KCNMB2: variants seen among roughly 807,000 people sequenced by gnomAD.
The protein encoded by KCNMB2 is potassium calcium-activated channel subfamily M regulatory beta subunit 2, also known as calcium-activated potassium channel subunit beta-2.
Under a neutral mutation model 24.5 loss-of-function variants are expected in KCNMB2, and 9 were observed. The ratio of observed to expected loss-of-function variants is 0.37; its 90% confidence interval spans 0.22 to 0.64. KCNMB2 has a LOEUF of 0.64. Ranked by LOEUF, KCNMB2 falls within the 30% of genes least tolerant of loss-of-function variation. KCNMB2 has a pLI of 0.63. For missense variants in KCNMB2, 226 were observed against 284.3 expected, an observed-to-expected ratio of 0.79 and a Z score of 1.47; for synonymous variants, 109 against 104.4, an observed-to-expected ratio of 1.04 and a Z score of -0.27.
chr3:178,762,342 G>A (rs1711937126), intron 1 of KCNMB2, among the ~76,000 whole-genome samples: 1 of 152,164 alleles, frequency 6.6e-6, no homozygotes, highest in South Asian at 2.1e-4. Context: ...GAACATTCCA[G>A]GACATGAGAA....
intron 1 of KCNMB2, among the ~76,000 whole-genome samples, chr3:178,667,938 G>GT (rs1470531474): frequency 1.3e-5 from 2 of 152,152 alleles, no homozygotes; most frequent in Non-Finnish European, 2.9e-5. Flanking sequence ...AATAATTACT[G>GT]TGAGGATGGT....
chr3:178,565,735 C>T (rs1716495079), intron 1 of KCNMB2, among the ~76,000 whole-genome samples: 1 of 152,164 alleles, frequency 6.6e-6, no homozygotes, highest in African/African-American at 2.4e-5. Context: ...TTTAAATCTT[C>T]AGCATCCCCT....
rs73045967 is a variant in KCNMB2 at position 178,685,965 on chromosome 3, T to C, written c.-67-121378T>C. Among the ~76,000 whole-genome samples the C allele has an allele frequency of 1.7e-3, 252 of 152,282 alleles. 1 individual carries two copies. Among genetic ancestry groups the C allele is most frequent in the African/African-American group, 5.8e-3 (241 of 41,562 alleles). On this transcript the variant is annotated intron_variant, in intron 1 of 4. Coordinates refer to ENST00000452583, the MANE Select transcript of KCNMB2 (RefSeq NM_181361.3). ...AGGAAAAAGCACTGACTACCACAAA[T>C]CATGGTCTTAATAACATCATTATGA...
intron 1 of KCNMB2, among the ~76,000 whole-genome samples, chr3:178,623,903 A>T (rs1049575229): frequency 3.9e-5 from 6 of 152,168 alleles, no homozygotes; most frequent in Non-Finnish European, 7.4e-5. Context: ...GTATAATCTC[A>T]TTGGAAGAAT....
intron 1 of KCNMB2, among the ~76,000 whole-genome samples, chr3:178,557,786 C>T (rs1716175330): frequency 1.3e-5 from 2 of 152,300 alleles, no homozygotes; most frequent in South Asian, 2.1e-4. Context: ...GAGAATTCAT[C>T]CTTGATGGTA....
At chr3:178,677,279 C>G (rs1439171316) in intron 1 of KCNMB2, among the ~76,000 whole-genome samples, 2 of 152,196 alleles carry the variant, frequency 1.3e-5, no homozygotes, top group Non-Finnish European at 2.9e-5. Flanking sequence ...ATATTTATAT[C>G]TCTTTTCCTA....
intron 1 of KCNMB2, among the ~76,000 whole-genome samples, chr3:178,751,266 T>A (rs1223777984): frequency 6.6e-6 from 1 of 152,054 alleles, no homozygotes; most frequent in Non-Finnish European, 1.5e-5. Context: ...ATAATAATAA[T>A]CTTTTAAATC....
intron 1 of KCNMB2, among the ~76,000 whole-genome samples, chr3:178,600,662 T>C (rs1190735376): frequency 6.6e-6 from 1 of 152,050 alleles, no homozygotes; most frequent in African/African-American, 2.4e-5. Context: ...ACAGAGATGG[T>C]AGGAATGAAG....
chr3:178,552,798 A>G (rs989220705), intron 1 of KCNMB2, among the ~76,000 whole-genome samples: 5 of 152,216 alleles, frequency 3.3e-5, no homozygotes, highest in Non-Finnish European at 4.4e-5. Context: ...GCAATGTCCT[A>G]ATAAGTCACA....
intron 1 of KCNMB2, among the ~76,000 whole-genome samples, chr3:178,683,113 C>A (rs979998128): frequency 2.6e-5 from 4 of 152,052 alleles, no homozygotes; most frequent in African/African-American, 9.7e-5. Context: ...GTAGATGGTA[C>A]ATATACACCA....
intron 1 of KCNMB2, among the ~76,000 whole-genome samples, chr3:178,755,675 T>C (rs1387125326): frequency 1.3e-5 from 2 of 152,178 alleles, no homozygotes; most frequent in South Asian, 4.1e-4. Flanking sequence ...CAAAGGACAT[T>C]CTCTGGGTTA....
chr3:178,827,105 A>G (rs1383306901), intron 3 of KCNMB2, among the ~76,000 whole-genome samples: 1 of 152,230 alleles, frequency 6.6e-6, no homozygotes, highest in Admixed American at 6.5e-5. Context: ...CAACAAAAGG[A>G]AAGCGTATTA....
At chr3:178,753,588 AAG>A (rs1283820277) in intron 1 of KCNMB2, among the ~76,000 whole-genome samples, 2 of 152,176 alleles carry the variant, frequency 1.3e-5, no homozygotes, top group East Asian at 1.9e-4. Context: ...TATCAAAAAA[AAG>A]AGTTTCTCTT....
chr3:178,660,369 T>TG (rs1161822525), intron 1 of KCNMB2, among the ~76,000 whole-genome samples: 3 of 152,176 alleles, frequency 2.0e-5, no homozygotes, highest in African/African-American at 7.2e-5. Flanking sequence ...TCTCAGATTC[T>TG]GAGATATTAC....
At chr3:178,740,788 C>T (rs1042778176) in intron 1 of KCNMB2, among the ~76,000 whole-genome samples, 2 of 152,172 alleles carry the variant, frequency 1.3e-5, no homozygotes, top group East Asian at 3.9e-4. Context: ...ATCTGTCAGG[C>T]ACTGGGCTCT....
intron 1 of KCNMB2, among the ~76,000 whole-genome samples, chr3:178,544,432 T>C (rs1056299381): frequency 2.5e-4 from 38 of 152,120 alleles, no homozygotes; most frequent in African/African-American, 9.2e-4. Context: ...GTTTGACAGT[T>C]CAGACAGCAA....
At chr3:178,795,965 A>G (rs1208101595) in intron 1 of KCNMB2, among the ~76,000 whole-genome samples, 6 of 152,178 alleles carry the variant, frequency 3.9e-5, no homozygotes. Context: ...GTCCTGGTGT[A>G]TGAAACACAG....
At chr3:178,809,157 G>A (rs1012400970) in intron 2 of KCNMB2, among the ~76,000 whole-genome samples, 13 of 152,274 alleles carry the variant, frequency 8.5e-5, no homozygotes, top group Middle Eastern at 3.4e-3. Flanking sequence ...ATTTGAAAGT[G>A]CAGAAAGACA....
chr3:178,571,160 A>G (rs1716764844), intron 1 of KCNMB2, among the ~76,000 whole-genome samples: 1 of 151,656 alleles, frequency 6.6e-6, no homozygotes, highest in African/African-American at 2.4e-5. Context: ...TATTCTTTCT[A>G]CTTTTTAGTT....
Sources: allele counts gnomAD v4.1 joint callset (sites outside exome capture counted in the v4.1 genomes callset), GRCh38; gene constraint gnomAD v4.1.1; transcripts MANE v1.5; gene names NCBI Gene and HGNC (gene_info 2026-07-23, HGNC 2026-07-21).